The following RERE variants were observed in gnomAD, a reference collection of about 807,000 sequenced individuals.
RERE encodes arginine-glutamic acid dipeptide repeats.
A neutral mutation model predicts 146.1 loss-of-function variants in RERE; 40 were observed. The observed-to-expected ratio is 0.27, with a 90% CI of 0.21 to 0.36. RERE has a LOEUF of 0.36. Among genes scored for constraint, RERE ranks in the 10% least tolerant of loss-of-function variants. RERE has a pLI of 1.00. For synonymous variants in RERE, 1,003 were observed against 866.0 expected, an observed-to-expected ratio of 1.16 and a Z score of -2.78; for missense variants, 1,933 against 2,138.7, an observed-to-expected ratio of 0.90 and a Z score of 1.90.
At chr1:8,519,125 A>C (rs914418706) in intron 7 of RERE, among the ~76,000 whole-genome samples, 1 of 152,138 alleles carries the variant, frequency 6.6e-6, no homozygotes, top group African/African-American at 2.4e-5. Context: ...TCATGTGTGT[A>C]ATCCCAGCAC....
chr1:8,355,325 G>A lies in RERE; in HGVS notation c.4667+94C>T, dbSNP rs1641245896. 8 of 1,381,676 alleles carry A rather than the reference G, an allele frequency of 5.8e-6. No individual in the cohort carries two copies. In the South Asian group the frequency reaches 8.8e-5, roughly 15 times the overall value. The allele number at this position is 1,381,676 out of a possible 1,614,324, so 85.6% of individuals were successfully genotyped here. ...ACAATGTCCCCTCCAGGGCCCAGCAGGCAGAGGGGGAGGAGCCTGGCCCTG... is the reference window on the plus strand; with the variant it reads ...ACAATGTCCCCTCCAGGGCCCAGCAAGCAGAGGGGGAGGAGCCTGGCCCTG... On this transcript the variant is annotated intron_variant, in intron 22 of 22. Transcript: ENST00000400908.
intron 11 of RERE, among the ~76,000 whole-genome samples, chr1:8,447,341 C>T (rs1325475953): frequency 5.3e-5 from 8 of 152,064 alleles, no homozygotes; most frequent in Non-Finnish European, 1.0e-4. Flanking sequence ...CCCTTGCTGG[C>T]AAGGAGCTGT....
At chr1:8,648,209 C>T (rs984144509) in intron 2 of RERE, among the ~76,000 whole-genome samples, 1 of 152,200 alleles carries the variant, frequency 6.6e-6, no homozygotes, top group Non-Finnish European at 1.5e-5. Context: ...TCTGTGTCCA[C>T]TCAACATCAT....
chr1:8,447,086 A>G lies in RERE; in HGVS notation c.1203+18839T>C, dbSNP rs189145284. Among the ~76,000 whole-genome samples the G allele has an allele frequency of 2.0e-4, 30 of 147,780 alleles. No individual in the cohort carries two copies. The East Asian group carries it at 5.2e-3, about 26-fold the overall frequency. On this transcript the variant is annotated intron_variant, in intron 11 of 22. Transcript: ENST00000400908. Reference sequence around the variant, plus strand: ...TTTCTTCTGCTTGATCAATTCGGCTATTGATACTTGTGTATGCTTCACAAA... The same window carrying G: ...TTTCTTCTGCTTGATCAATTCGGCTGTTGATACTTGTGTATGCTTCACAAA...
chr1:8,793,626 A>G (rs1038782972), intron 1 of RERE, among the ~76,000 whole-genome samples: 1 of 152,192 alleles, frequency 6.6e-6, no homozygotes, highest in Non-Finnish European at 1.5e-5. Context: ...CCTAAATTAT[A>G]TTAACTTCTC....
At chr1:8,530,258 G>A (rs1000846162) in intron 7 of RERE, among the ~76,000 whole-genome samples, 1 of 152,132 alleles carries the variant, frequency 6.6e-6, no homozygotes, top group Non-Finnish European at 1.5e-5. Context: ...TAGACTAAAT[G>A]AGAGCTGAGT....
At chr1:8,442,262 G>A (rs567930692) in intron 11 of RERE, among the ~76,000 whole-genome samples, 88 of 152,104 alleles carry the variant, frequency 5.8e-4, no homozygotes, top group South Asian at 1.0e-3. Context: ...GCGCACGCCT[G>A]TAATCCCAGC....
chr1:8,582,317 C>T (rs1453926919), intron 4 of RERE, among the ~76,000 whole-genome samples: 1 of 152,038 alleles, frequency 6.6e-6, no homozygotes, highest in Admixed American at 6.5e-5. Context: ...AGCAATCCTA[C>T]CGCCTCAGCC....
intron 1 of RERE, among the ~76,000 whole-genome samples, chr1:8,689,284 A>G (rs528279150): frequency 1.3e-3 from 192 of 152,248 alleles, no homozygotes; most frequent in African/African-American, 3.8e-3. Context: ...AGTTGACTAA[A>G]GTTTATAGTT....
chr1:8,644,388 G>A (rs1378942420), intron 2 of RERE, among the ~76,000 whole-genome samples: 3 of 152,110 alleles, frequency 2.0e-5, no homozygotes, highest in East Asian at 1.9e-4. Flanking sequence ...GTACCTGAAC[G>A]CTCTCGTTCC....
intron 12 of RERE, among the ~76,000 whole-genome samples, chr1:8,372,833 C>T (rs1642093941): frequency 6.6e-6 from 1 of 152,202 alleles, no homozygotes; most frequent in Admixed American, 6.5e-5. Context: ...CCTTGTGCCA[C>T]TAGTGAGGGT....
At chr1:8,810,290 G>A (rs976272336) in intron 1 of RERE, among the ~76,000 whole-genome samples, 1 of 151,074 alleles carries the variant, frequency 6.6e-6, no homozygotes, top group African/African-American at 2.4e-5. Flanking sequence ...ATGAGCCACC[G>A]CGCCTGGCCT....
At chr1:8,579,055 C>T (rs913021981) in intron 4 of RERE, among the ~76,000 whole-genome samples, 1 of 152,136 alleles carries the variant, frequency 6.6e-6, no homozygotes, top group African/African-American at 2.4e-5. Context: ...TTGCTTGGAG[C>T]CCCAAAGTTA....
intron 1 of RERE, among the ~76,000 whole-genome samples, chr1:8,669,861 C>G (rs1214336904): frequency 6.6e-6 from 1 of 152,162 alleles, no homozygotes; most frequent in African/African-American, 2.4e-5. Context: ...AAGGAAATGA[C>G]AGGGTGAATT....
chr1:8,445,796 T>A (rs966923979), intron 11 of RERE, among the ~76,000 whole-genome samples: 2 of 151,998 alleles, frequency 1.3e-5, no homozygotes, highest in Non-Finnish European at 2.9e-5. Flanking sequence ...ACATTAGGTA[T>A]TTTTCCTAAT....
intron 12 of RERE, among the ~76,000 whole-genome samples, chr1:8,416,376 G>C (rs557838061): frequency 2.6e-5 from 4 of 152,234 alleles, no homozygotes; most frequent in East Asian, 3.9e-4. Context: ...ACAAGGTCAG[G>C]AGATCGAGAC....
At chr1:8,392,833 C>A (rs186625703) in intron 12 of RERE, among the ~76,000 whole-genome samples, 100 of 152,296 alleles carry the variant, frequency 6.6e-4, no homozygotes, top group African/African-American at 2.4e-3. Flanking sequence ...TTCAGCTCTT[C>A]GTGAAGCAGC....
At chr1:8,816,718 A>C (rs1160953332) in intron 1 of RERE, among the ~76,000 whole-genome samples, 1 of 152,200 alleles carries the variant, frequency 6.6e-6, no homozygotes, top group Admixed American at 6.5e-5. Flanking sequence ...TGAGAACTAG[A>C]GATTGGGAGC....
chr1:8,747,835 A>T (rs1455631749), intron 1 of RERE, among the ~76,000 whole-genome samples: 1 of 152,064 alleles, frequency 6.6e-6, no homozygotes, highest in South Asian at 2.1e-4. Flanking sequence ...ACAATGGCAC[A>T]ATCTCAGCTC....
Sources: gnomAD v4.1 joint callset for allele counts (sites outside exome capture counted in the v4.1 genomes callset) on GRCh38, gnomAD v4.1.1 for gene constraint, MANE v1.5 for transcripts, NCBI Gene and HGNC (gene_info 2026-07-23, HGNC 2026-07-21) for gene names.